COG1: variants seen among roughly 807,000 people sequenced by gnomAD.
The protein encoded by COG1 is conserved oligomeric Golgi complex subunit 1.
In COG1, 61 loss-of-function variants were observed where a neutral mutation model predicts 102.2. That is an observed-to-expected ratio of 0.60 (90% CI 0.49 to 0.74). COG1 has a LOEUF of 0.74. Among genes scored for constraint, COG1 ranks in the 30% least tolerant of loss-of-function variants. COG1 has a pLI of 0.00. For missense variants in COG1, 1,164 were observed against 1,232.1 expected (o/e 0.94, Z 0.83); for synonymous variants, 454 against 493.6 (o/e 0.92, Z 1.06).
At position 73,197,206 on chromosome 17, in the gene COG1, A is replaced by C. The variant is rs1568295340; in HGVS notation, c.743-20A>C. 1.9e-6 allele frequency: 3 copies of C among 1,614,172 alleles called. No homozygotes were observed. Among genetic ancestry groups the C allele is most frequent in the East Asian group, 4.5e-5 (2 of 44,884 alleles). ...TTTGGGAAAGGTAATTGTTTCAAAGAGGATGGTTTCTTCTTTTAGGTGCTG... is the reference window on the plus strand; with the variant it reads ...TTTGGGAAAGGTAATTGTTTCAAAGCGGATGGTTTCTTCTTTTAGGTGCTG... On this transcript the variant is annotated intron_variant, in intron 3 of 13. Coordinates refer to ENST00000299886, the MANE Select transcript of COG1 (RefSeq NM_018714.3).
intron 4 of COG1, among the ~76,000 whole-genome samples, chr17:73,198,238 G>A (rs1329885013): frequency 6.6e-6 from 1 of 152,166 alleles, no homozygotes; most frequent in African/African-American, 2.4e-5. Flanking sequence ...CAGATTGGCT[G>A]TAAGGATGTG....
intron 1 of COG1, among the ~76,000 whole-genome samples, chr17:73,193,794 T>C (rs2061312926): frequency 6.6e-6 from 1 of 152,078 alleles, no homozygotes; most frequent in African/African-American, 2.4e-5. Flanking sequence ...CTCCAAGTCA[T>C]TTCTTCCTCA....
chr17:73,205,820 A>G lies in COG1; in HGVS notation c.2510+140A>G, dbSNP rs2061368479. ...TTGAACAGTAAGTGCTCATATTGCC[A>G]GCAAGTTAAATAATGGCCGCCTGCT... On this transcript the variant is annotated intron_variant, in intron 10 of 13. Transcript: ENST00000299886. 9.2e-6 allele frequency: 10 copies of G among 1,087,918 alleles called. No individual in the cohort carries two copies. The East Asian group carries it at 9.5e-5, about 10-fold the overall frequency. 67.4% of individuals were successfully genotyped at this position (1,087,918 alleles called of 1,614,324 possible). A position where few individuals can be genotyped will look rare whatever the true frequency, so the allele number is the denominator to read the frequency against.
chr17:73,205,773 C>G, intron 10 of COG1, 93 bp downstream of exon 10: 8 of 1,480,450 alleles, frequency 5.4e-6, no homozygotes, highest in Non-Finnish European at 6.6e-6. Flanking sequence ...GCCTGTTATA[C>G]TGCACATTCA....
intron 11 of COG1, 71 bp downstream of exon 11, chr17:73,206,333 C>T (rs1160431850): frequency 8.4e-7 from 1 of 1,188,136 alleles, no homozygotes; most frequent in Non-Finnish European, 1.3e-6. Context: ...TTAACCTGCT[C>T]AAGCACGTAA....
chr17:73,207,877 A>C, intron 13 of COG1: 1 of 1,193,900 alleles, frequency 8.4e-7, no homozygotes, highest in Non-Finnish European at 1.1e-6. Context: ...CATCGAACCC[A>C]TTAAGATCTA....
rs1416170093 is a variant in COG1 at position 73,201,234 on chromosome 17, C to T, written c.1407C>T (p.Tyr469=). Reference sequence around the variant, plus strand: ...CAAATAAGCACATCCACTTTGAGTACAACATGTCGCTCTTCCTCTGGTCTG... The same window carrying T: ...CAAATAAGCACATCCACTTTGAGTATAACATGTCGCTCTTCCTCTGGTCTG... ...SPSNKHIHFE[Y]NMSLFLWSES... The change falls in exon 7 of 14, where the codon TAC becomes TAT. Residue 469 remains tyrosine, a synonymous_variant. Transcript: ENST00000299886. 3 of 1,614,154 alleles carry T rather than the reference C, an allele frequency of 1.9e-6. No individual in the cohort carries two copies. The highest frequency in any genetic ancestry group is 2.2e-5 in the East Asian group (1 of 44,888).
chr17:73,196,729 G>A lies in COG1; in HGVS notation c.538G>A (p.Val180Met). The change falls in exon 2 of 14, where the codon GTG (valine) becomes ATG (methionine). Residue 180 changes from valine to methionine, a missense_variant. By Grantham distance (21) the Val-to-Met change is conservative (BLOSUM62 1). Transcript: ENST00000299886. Reference sequence around the variant, plus strand: ...CCGGTTTCCTATACTCATCCGGCAGGTGGCAGCCGCCAGCCACTTCCGGTA... The same window carrying A: ...CCGGTTTCCTATACTCATCCGGCAGATGGCAGCCGCCAGCCACTTCCGGTA... ...LSRFPILIRQVAAASHFRSTI... is the reference protein window; with the variant it reads ...LSRFPILIRQMAAASHFRSTI... 1 of 1,613,988 alleles carries A rather than the reference G, an allele frequency of 6.2e-7. No individual in the cohort carries two copies. Among genetic ancestry groups the A allele is most frequent in the Non-Finnish European group, 8.5e-7 (1 of 1,180,030 alleles).
chr17:73,208,204 C>T, intron 13 of COG1, 110 bp from the exon 14 acceptor site: 4 of 1,589,492 alleles, frequency 2.5e-6, no homozygotes, highest in Non-Finnish European at 3.4e-6. Context: ...TCGTGCTTCT[C>T]AGCTCCGCTT....
In COG1 at chr17:73,204,228, C is replaced by A. The variant is rs574887941; in HGVS notation, c.2382+435C>A. Among the ~76,000 whole-genome samples, 69 of 152,334 alleles carry A rather than the reference C, an allele frequency of 4.5e-4. 1 individual carries two copies. Among genetic ancestry groups the A allele is most frequent in the African/African-American group, 1.6e-3 (67 of 41,580 alleles). Reference sequence around the variant, plus strand: ...GGATCAGAGCTTCAAAATAAAAGACCTGGCTTCCAACCTCAGTGCTGCCAC... The same window carrying A: ...GGATCAGAGCTTCAAAATAAAAGACATGGCTTCCAACCTCAGTGCTGCCAC... On this transcript the variant is annotated intron_variant, in intron 9 of 13. Coordinates refer to ENST00000299886, the MANE Select transcript of COG1 (RefSeq NM_018714.3).
chr17:73,198,654 G>C (rs2061334699), intron 4 of COG1, among the ~76,000 whole-genome samples: 1 of 152,204 alleles, frequency 6.6e-6, no homozygotes. Flanking sequence ...CTGTGAAGCG[G>C]GCAGGTGCCT....
rs753161614 is a variant in COG1 at position 73,193,354 on chromosome 17, G to T, written c.285G>T (p.Ser95=). The stretch of plus-strand genomic sequence containing the variant: ...GCGCCCGCCTCCGCCAGGCCGGCTC[G>T]GCCGCGCCCCGGCCACCGCGGGCCC... ...QYCARLRQAG[S]AAPRPPRAQQ... Residue 95 remains serine (S), a synonymous_variant, in exon 1 of 14, where the codon TCG becomes TCT. Coordinates refer to ENST00000299886, the MANE Select transcript of COG1 (RefSeq NM_018714.3). 17 of 1,502,034 alleles carry T rather than the reference G, an allele frequency of 1.1e-5. No individual in the cohort carries two copies. In the South Asian group the frequency reaches 1.8e-4, roughly 16 times the overall value. The allele number at this position is 1,502,034 out of a possible 1,614,324, so 93.0% of individuals were successfully genotyped here. A position where few individuals can be genotyped will look rare whatever the true frequency, so the allele number is the denominator to read the frequency against.
rs1000820588 is a variant in COG1, at chr17:73,193,364, C to G, written c.295C>G (p.Arg99Gly). 3.4e-6 allele frequency: 5 copies of G among 1,490,420 alleles called. No homozygotes were observed. In the Admixed American group the frequency reaches 6.8e-5, roughly 20 times the overall value. 92.3% of individuals were successfully genotyped at this position (1,490,420 alleles called of 1,614,324 possible). A position where few individuals can be genotyped will look rare whatever the true frequency, so the allele number is the denominator to read the frequency against. ...RLRQAGSAAP[R>G]PPRAQQPQQP... Reference sequence around the variant, plus strand: ...CCGCCAGGCCGGCTCGGCCGCGCCCCGGCCACCGCGGGCCCAGCAGGTCAG... The same window carrying G: ...CCGCCAGGCCGGCTCGGCCGCGCCCGGGCCACCGCGGGCCCAGCAGGTCAG... The change falls in exon 1 of 14, where the codon CGG (arginine) becomes GGG (glycine). Residue 99 changes from arginine (R) to glycine (G), a missense_variant. Coordinates refer to ENST00000299886, the MANE Select transcript of COG1 (RefSeq NM_018714.3).
chr17:73,193,095 C>A lies in COG1; in HGVS notation c.26C>A (p.Ala9Glu), dbSNP rs759369353. 3 of 1,611,936 alleles carry A rather than the reference C, an allele frequency of 1.9e-6. No homozygotes were observed. The highest frequency in any genetic ancestry group is 2.2e-5 in the South Asian group (2 of 90,940). The change falls in exon 1 of 14, where the codon GCG (alanine) becomes GAG (glutamate). Residue 9 changes from alanine to glutamate, a missense_variant. Physicochemically the swap from Ala to Glu is moderately radical, Grantham distance 107 (BLOSUM62 -1). Transcript: ENST00000299886. ...ATGGCCACCGCGGCAACCTCACCCGCGCTGAAGCGGCTGGATCTGCGCGAC... is the reference window on the plus strand; with the variant it reads ...ATGGCCACCGCGGCAACCTCACCCGAGCTGAAGCGGCTGGATCTGCGCGAC... MATAATSP[A>E]LKRLDLRDPA...
chr17:73,193,297 A>G lies in COG1; in HGVS notation c.228A>G (p.Leu76=). 2 of 1,594,222 alleles carry G rather than the reference A, an allele frequency of 1.3e-6. No individual in the cohort carries two copies. Among genetic ancestry groups the G allele is most frequent in the Non-Finnish European group, 1.7e-6 (2 of 1,172,532 alleles). ...IGQMRRCAVG[L]VDAVKATDQY... is the part of the protein sequence containing the mutation. ...AGATGCGCCGCTGCGCCGTGGGGCT[A>G]GTGGACGCCGTGAAGGCCACCGACC... The change falls in exon 1 of 14, where the codon CTA becomes CTG. Residue 76 remains leucine, a synonymous_variant. Coordinates refer to ENST00000299886, the MANE Select transcript of COG1 (RefSeq NM_018714.3).
chr17:73,196,665 G>C lies in COG1; in HGVS notation c.474G>C (p.Gln158His). The C allele has an allele frequency of 6.2e-7, 1 of 1,614,214 alleles. No individual in the cohort carries two copies. Among genetic ancestry groups the C allele is most frequent in the Non-Finnish European group, 8.5e-7 (1 of 1,180,046 alleles). Residue 158 changes from glutamine (Q) to histidine (H), a missense_variant, in exon 2 of 14, where the codon CAG becomes CAC. By Grantham distance (24) the Gln-to-His change is conservative. Coordinates refer to ENST00000299886, the MANE Select transcript of COG1 (RefSeq NM_018714.3). ...LLCCHLHSLL[Q>H]LDSSSSRYSP... ...GCTGCCACCTCCACAGCCTGCTCCA[G>C]CTGGATTCTTCTAGTTCCCGATACA...
In COG1 at chr17:73,201,538, C is replaced by T. The variant is rs549839896; in HGVS notation, c.1711C>T (p.Arg571Trp). 73 of 1,614,120 alleles carry T rather than the reference C, an allele frequency of 4.5e-5. No individual in the cohort carries two copies. The highest frequency in any genetic ancestry group is 2.1e-4 in the South Asian group (19 of 91,094). ...ADAGTVQEMLRTQSVACIKHI... is the reference protein window; with the variant it reads ...ADAGTVQEMLWTQSVACIKHI... ...TGCGGGGACCGTGCAGGAGATGCTG[C>T]GGACTCAGTCCGTGGCATGCATCAA... The change falls in exon 7 of 14, where the codon CGG (arginine) becomes TGG (tryptophan). Residue 571 changes from arginine to tryptophan, a missense_variant. Arg to Trp is a moderately radical substitution (Grantham distance 101). Transcript: ENST00000299886.
intron 9 of COG1, chr17:73,205,350 C>T: frequency 1.7e-6 from 1 of 602,786 alleles, no homozygotes; most frequent in East Asian, 2.9e-5. Context: ...AGGTCTCTTC[C>T]CTGCTGTTAG....
In COG1 at chr17:73,201,370, C is replaced by T. The variant is rs1163518802; in HGVS notation, c.1543C>T (p.Gln515Ter). Residue 515 changes from glutamine to a stop codon, truncating the protein, a stop_gained, in exon 7 of 14, where the codon CAG becomes TAG. Coordinates refer to ENST00000299886, the MANE Select transcript of COG1 (RefSeq NM_018714.3). LOFTEE classifies it high-confidence loss of function. ...AGCACAAGCCATCAGCCCTTGTGTA[C>T]AGAACTTCTGTTCTGCCCTGGATTC... is the stretch of plus-strand genomic sequence containing the variant. The part of the protein sequence containing the change: ...MKAQAISPCV[Q>*]NFCSALDSKL... 3 of 1,614,216 alleles carry T rather than the reference C, an allele frequency of 1.9e-6. No homozygotes were observed. The highest frequency in any genetic ancestry group is 2.2e-5 in the East Asian group (1 of 44,878).
Sources: gnomAD v4.1 joint callset for allele counts (sites outside exome capture counted in the v4.1 genomes callset) on GRCh38, gnomAD v4.1.1 for gene constraint, MANE v1.5 for transcripts, NCBI Gene and HGNC (gene_info 2026-07-23, HGNC 2026-07-21) for gene names.